TENM2: variants seen among roughly 807,000 people sequenced by gnomAD.
TENM2 encodes teneurin-2.
A neutral mutation model predicts 245.2 loss-of-function variants in TENM2; 52 were observed. The observed-to-expected ratio is 0.21, with a 90% CI of 0.17 to 0.27. The LOEUF is 0.27. Ranked by LOEUF, TENM2 falls within the 10% of genes least tolerant of loss-of-function variation. The pLI, the probability that TENM2 is intolerant of heterozygous loss-of-function variation, is 1.00. For synonymous variants in TENM2, 1,363 were observed against 1,438.9 expected, an observed-to-expected ratio of 0.95 and a Z score of 1.19; for missense variants, 3,046 against 3,666.8, an observed-to-expected ratio of 0.83 and a Z score of 4.37.
At chr5:167,838,826 G>A (rs994502541) in intron 2 of TENM2, among the ~76,000 whole-genome samples, 3 of 152,106 alleles carry the variant, frequency 2.0e-5, no homozygotes, top group Admixed American at 6.5e-5. Flanking sequence ...CGTGAACTTG[G>A]GTTTGTTCTT....
chr5:167,573,690 A>G (rs1346307384), intron 2 of TENM2, among the ~76,000 whole-genome samples: 2 of 152,192 alleles, frequency 1.3e-5, no homozygotes, highest in Non-Finnish European at 2.9e-5. Context: ...TTCGCCAGGC[A>G]GCAGCAGCCT....
chr5:167,682,111 T>G (rs1190488680), intron 2 of TENM2, among the ~76,000 whole-genome samples: 1 of 93,256 alleles, frequency 1.1e-5, no homozygotes, highest in African/African-American at 4.0e-5. Context: ...CCTCCCTCCC[T>G]CCCTCCCTCC....
At chr5:168,065,115 G>A (rs1013494430) in intron 7 of TENM2, among the ~76,000 whole-genome samples, 4 of 152,182 alleles carry the variant, frequency 2.6e-5, no homozygotes, top group African/African-American at 9.7e-5. Context: ...TGGAAAAAGA[G>A]AAAGTGAAAG....
the TENM2 span, among the ~76,000 whole-genome samples, chr5:166,984,180 C>G: frequency 1.6e-4 from 25 of 151,982 alleles, no homozygotes; most frequent in Non-Finnish European, 3.5e-4. Flanking sequence ...AAATAAAGAA[C>G]TCATTTATGA....
At chr5:167,515,680 T>TATATATGTATATA (rs1283561249) in intron 2 of TENM2, among the ~76,000 whole-genome samples, 1 of 55,810 alleles carries the variant, frequency 1.8e-5, no homozygotes, top group African/African-American at 4.6e-5. Flanking sequence ...TGTATATATA[T>TATATATGTATATA]TTTGAGAGGG....
intron 2 of TENM2, among the ~76,000 whole-genome samples, chr5:167,577,232 AGT>A (rs1251816089): frequency 6.6e-6 from 1 of 152,220 alleles, no homozygotes; most frequent in Non-Finnish European, 1.5e-5. Context: ...GTGAAAGGGA[AGT>A]GTATATGTTT....
intron 13 of TENM2, among the ~76,000 whole-genome samples, 190 bp from the exon 16 acceptor site, chr5:168,190,147 C>A (rs1044734319): frequency 2.6e-5 from 4 of 152,104 alleles, no homozygotes; most frequent in Non-Finnish European, 5.9e-5. Context: ...AAATTATTTC[C>A]TTTCAGTCTT....
At chr5:167,445,336 T>TATAGAGAG (rs368881390) in intron 2 of TENM2, among the ~76,000 whole-genome samples, 75 of 77,280 alleles carry the variant, frequency 9.7e-4, no homozygotes, top group African/African-American at 2.0e-3. Flanking sequence ...TATATATATA[T>TATAGAGAG]AGAGAGAGAG....
At chr5:167,564,989 C>T (rs1374100642) in intron 2 of TENM2, among the ~76,000 whole-genome samples, 1 of 152,168 alleles carries the variant, frequency 6.6e-6, no homozygotes, top group African/African-American at 2.4e-5. Flanking sequence ...TTAGGAATCC[C>T]CAGCATAAGG....
At chr5:168,158,844 TATATATAC>T (rs1757462187) in intron 12 of TENM2, among the ~76,000 whole-genome samples, 1 of 90,136 alleles carries the variant, frequency 1.1e-5, no homozygotes, top group Non-Finnish European at 2.4e-5. Flanking sequence ...TATATATATA[TATATATAC>T]ACACACACAC....
chr5:168,253,371 G>A (rs1429911599), intron 27 of TENM2, among the ~76,000 whole-genome samples: 1 of 151,566 alleles, frequency 6.6e-6, no homozygotes, highest in African/African-American at 2.4e-5. Context: ...GCCTAGCACA[G>A]AGCAAAGGCT....
At chr5:167,532,014 A>C (rs1771538390) in intron 2 of TENM2, among the ~76,000 whole-genome samples, 1 of 152,010 alleles carries the variant, frequency 6.6e-6, no homozygotes, top group Non-Finnish European at 1.5e-5. Context: ...TTTACTTAGA[A>C]TTTTCTTCAA....
chr5:167,733,690 T>C (rs1386300242), intron 2 of TENM2, among the ~76,000 whole-genome samples: 2 of 152,242 alleles, frequency 1.3e-5, no homozygotes, highest in Non-Finnish European at 2.9e-5. Context: ...AACAAATTTA[T>C]TTCTTTTAAA....
chr5:167,436,333 C>G (rs7710471), intron 2 of TENM2, among the ~76,000 whole-genome samples: 3 of 152,038 alleles, frequency 2.0e-5, no homozygotes, highest in Admixed American at 1.3e-4. Flanking sequence ...GTGTTCCCCC[C>G]ACCTCAGCCT....
At chr5:168,085,763 C>T (rs966823831) in intron 7 of TENM2, among the ~76,000 whole-genome samples, 1 of 152,216 alleles carries the variant, frequency 6.6e-6, no homozygotes, top group African/African-American at 2.4e-5. Flanking sequence ...GCAGCTAAGT[C>T]ATTCCCACCA....
the TENM2 span, among the ~76,000 whole-genome samples, chr5:167,112,223 A>T: frequency 6.6e-6 from 1 of 152,210 alleles, no homozygotes; most frequent in Non-Finnish European, 1.5e-5. Flanking sequence ...AACAGCAAAG[A>T]ATTTTGTTTG....
At chr5:167,848,955 G>A (rs1770310690) in intron 2 of TENM2, among the ~76,000 whole-genome samples, 2 of 152,182 alleles carry the variant, frequency 1.3e-5, no homozygotes, top group Admixed American at 1.3e-4. Flanking sequence ...TATTGTGTTA[G>A]TTTCCTATTG....
At chr5:167,565,755 T>G (rs11738110) in intron 2 of TENM2, among the ~76,000 whole-genome samples, 88,273 of 152,016 alleles carry the variant, frequency 0.58, 26,451 homozygotes, top group East Asian at 0.7. Flanking sequence ...GGATTGAAAT[T>G]CAATCACTTT....
chr5:167,619,526 C>T (rs1038744295), intron 2 of TENM2, among the ~76,000 whole-genome samples: 2 of 152,094 alleles, frequency 1.3e-5, no homozygotes, highest in Non-Finnish European at 2.9e-5. Flanking sequence ...CTTGCTACTA[C>T]TTACCAGCTC....
Sources: gnomAD v4.1 joint callset for allele counts (sites outside exome capture counted in the v4.1 genomes callset) on GRCh38, gnomAD v4.1.1 for gene constraint, MANE v1.5 for transcripts, NCBI Gene and HGNC (gene_info 2026-07-23, HGNC 2026-07-21) for gene names.